The following CCDC187 variants were observed in gnomAD, a reference collection of about 807,000 sequenced individuals.
The protein encoded by CCDC187 is coiled-coil domain-containing protein 187.
CCDC187 carries 32 observed loss-of-function variants against 38.0 expected under a neutral mutation model. That is an observed-to-expected ratio of 0.84 (90% confidence interval 0.64 to 1.13). CCDC187 has a LOEUF of 1.13. Among genes scored for constraint, CCDC187 ranks in the 50% most tolerant of loss-of-function variants. CCDC187 has a pLI of 0.00. For missense variants in CCDC187, 707 were observed against 786.8 expected (o/e 0.90, Z 1.21); for synonymous variants, 333 against 347.9 (o/e 0.96, Z 0.48).
Position 136,290,864 on chromosome 9 carries a change from G to C in CCDC187, c.1749C>G (p.Pro583=), listed in dbSNP as rs1036209674. 1 of 398,562 alleles carries C rather than the reference G, an allele frequency of 2.5e-6. No individual in the cohort carries two copies. Among genetic ancestry groups the C allele is most frequent in the South Asian group, 1.3e-4 (1 of 7,858 alleles). 24.7% of individuals were successfully genotyped at this position (398,562 alleles called of 1,614,324 possible). A position where few individuals can be genotyped will look rare whatever the true frequency, so the allele number is the denominator to read the frequency against. ...WSSSGVQRAG[P]QGKGRGIGSP... ...AGCCGATGCCTCTGCCCTTGCCCTG[G>C]GGGCCGGCCCTCTGCACGCCGGAGC... Residue 583 remains proline (P), a synonymous_variant, in exon 6 of 26, where the codon CCC becomes CCG. Coordinates refer to ENST00000638797, the MANE Select transcript of CCDC187 (RefSeq NM_001378188.1).
chr9:136,263,162 C>A (rs1270437364), intron 18 of CCDC187, among the ~76,000 whole-genome samples: 1 of 151,612 alleles, frequency 6.6e-6, no homozygotes, highest in Non-Finnish European at 1.5e-5. Flanking sequence ...CCTCCTCAGC[C>A]CCCCAGCAGT....
intron 7 of CCDC187, among the ~76,000 whole-genome samples, chr9:136,287,847 A>C (rs1831218348): frequency 6.6e-6 from 1 of 152,188 alleles, no homozygotes; most frequent in African/African-American, 2.4e-5. Context: ...ACAGAGTGTC[A>C]GTTTGGGAAG....
At position 136,256,206 on chromosome 9, in the gene CCDC187, C is replaced by A. The variant is rs1830610675; in HGVS notation, c.4616+5G>T. On this transcript the variant is annotated splice_donor_5th_base_variant and intron_variant, in intron 24 of 25. Coordinates refer to ENST00000638797, the MANE Select transcript of CCDC187 (RefSeq NM_001378188.1). ...ACCCCTGCTCCAGGGAGCTCAGCCC[C>A]ACACCTCTGCTCCCCCGATCGCCAG... 3.0e-6 allele frequency: 3 copies of A among 985,256 alleles called. No individual in the cohort carries two copies. The highest frequency in any genetic ancestry group is 3.6e-6 in the Non-Finnish European group (3 of 829,752). 61.0% of individuals were successfully genotyped at this position (985,256 alleles called of 1,614,324 possible).
In CCDC187 at chr9:136,264,726, G is replaced by A. The variant is rs542715822; in HGVS notation, c.3736-928C>T. Among the ~76,000 whole-genome samples the A allele has an allele frequency of 1.8e-4, 27 of 151,832 alleles. No homozygotes were observed. The East Asian group carries it at 5.0e-3, about 28-fold the overall frequency. ...GCACTGACCCCATTTCCCAGCAGAG[G>A]GTCGTGGGCAAAGTAGTCCCCCACC... On this transcript the variant is annotated intron_variant, in intron 17 of 25. Coordinates refer to ENST00000638797, the MANE Select transcript of CCDC187 (RefSeq NM_001378188.1). This position sits in a 1 kb window ranked among gnomAD's most constrained non-coding sequence, Gnocchi z 4.3.
Position 136,286,287 on chromosome 9 carries a change from G to C in CCDC187, c.2631C>G (p.Thr877=), listed in dbSNP as rs946331531. The change falls in exon 8 of 26, where the codon ACC becomes ACG. Residue 877 remains threonine (T), a synonymous_variant. Transcript: ENST00000638797. The part of the protein sequence containing the change: ...HSLPAAPTLA[T]PTLATPACPG... Reference sequence around the variant, plus strand: ...GGCAGGCTGGGGTGGCAAGCGTGGGGGTGGCGAGCGTGGGGGCGGCAGGTA... The same window carrying C: ...GGCAGGCTGGGGTGGCAAGCGTGGGCGTGGCGAGCGTGGGGGCGGCAGGTA... 2.5e-6 allele frequency: 1 copy of C among 398,552 alleles called. No homozygotes were observed. Among genetic ancestry groups the C allele is most frequent in the African/African-American group, 2.1e-5 (1 of 48,630 alleles). 24.7% of individuals were successfully genotyped at this position (398,552 alleles called of 1,614,324 possible).
chr9:136,301,510 G>T (rs953568947), intron 2 of CCDC187, among the ~76,000 whole-genome samples: 42 of 152,034 alleles, frequency 2.8e-4, no homozygotes, highest in African/African-American at 9.6e-4. Context: ...CTGCAGGACC[G>T]TGAATGTGCT....
At chr9:136,280,076 G>C (rs962726879) in intron 10 of CCDC187, among the ~76,000 whole-genome samples, 2 of 152,200 alleles carry the variant, frequency 1.3e-5, no homozygotes, top group African/African-American at 4.8e-5. Flanking sequence ...ATTCTGTTAC[G>C]ACAGCATAAA....
Position 136,290,071 on chromosome 9 carries a change from G to A in CCDC187, c.2128-18C>T. The A allele has an allele frequency of 2.5e-6, 1 of 398,772 alleles. No individual in the cohort carries two copies. The highest frequency in any genetic ancestry group is 4.4e-6 in the Non-Finnish European group (1 of 226,200). 24.7% of individuals were successfully genotyped at this position (398,772 alleles called of 1,614,324 possible). ...TCCAGGCCCTAAAGTAGAGGGCAATGCCATCAGAGCCCCCCGCTCGGGAAG... is the reference window on the plus strand; with the variant it reads ...TCCAGGCCCTAAAGTAGAGGGCAATACCATCAGAGCCCCCCGCTCGGGAAG... On this transcript the variant is annotated intron_variant, in intron 6 of 25. Transcript: ENST00000638797.
chr9:136,251,222 C>T lies in CCDC187; in HGVS notation c.*2372G>A, dbSNP rs1393348660. The T allele has an allele frequency of 5.9e-6, 2 of 341,692 alleles. No homozygotes were observed. The highest frequency in any genetic ancestry group is 4.4e-5 in the South Asian group (2 of 45,830). The allele number at this position is 341,692 out of a possible 1,614,324, so 21.2% of individuals were successfully genotyped here. ...ATTCAAAAGGGTCCCAGAGAAATTA[C>T]AGGGGTCCCAGTGAATCCTCTGGAA... On this transcript the variant is annotated 3_prime_UTR_variant, in exon 26 of 26. Transcript: ENST00000638797.
chr9:136,303,340 G>A, intron 1 of CCDC187, 47 bp from the exon 2 acceptor site: 2 of 395,872 alleles, frequency 5.1e-6, no homozygotes, highest in Non-Finnish European at 8.9e-6. Context: ...AGGCGCAGAG[G>A]TGCCGAGCAG....
rs567879890 is a variant in CCDC187, at chr9:136,255,196, C to T, written c.4694-62G>A. The T allele has an allele frequency of 2.4e-5, 21 of 861,490 alleles. No individual in the cohort carries two copies. The African/African-American group carries it at 2.6e-4, about 10-fold the overall frequency. The allele number at this position is 861,490 out of a possible 1,614,324, so 53.4% of individuals were successfully genotyped here. On this transcript the variant is annotated intron_variant, in intron 25 of 25. Coordinates refer to ENST00000638797, the MANE Select transcript of CCDC187 (RefSeq NM_001378188.1). ...CACCCTGGACCCCATGCATATCCCA[C>T]GACCCCCAAAGCCAGGAGGTCAGAA...
chr9:136,250,467 G>A lies in CCDC187; in HGVS notation c.*3127C>T, dbSNP rs1015006221. 1.9e-5 allele frequency: 6 copies of A among 312,386 alleles called. No individual in the cohort carries two copies. Among genetic ancestry groups the A allele is most frequent in the Admixed American group, 9.5e-5 (2 of 21,046 alleles). The allele number at this position is 312,386 out of a possible 1,614,324, so 19.4% of individuals were successfully genotyped here. The stretch of plus-strand genomic sequence containing the variant: ...GGGGCTTCAGTGGTGGAGATTTATC[G>A]TCATGCCAGATGCGTGTGTGTGAGA... On this transcript the variant is annotated 3_prime_UTR_variant, in exon 26 of 26. Coordinates refer to ENST00000638797, the MANE Select transcript of CCDC187 (RefSeq NM_001378188.1).
At position 136,254,981 on chromosome 9, in the gene CCDC187, G is replaced by A. The variant is rs1482210888; in HGVS notation, c.4847C>T (p.Ser1616Phe). 4.7e-5 allele frequency: 46 copies of A among 985,398 alleles called. No individual in the cohort carries two copies. The African/African-American group carries it at 8.0e-4, about 17-fold the overall frequency. 61.0% of individuals were successfully genotyped at this position (985,398 alleles called of 1,614,324 possible). A position where few individuals can be genotyped will look rare whatever the true frequency, so the allele number is the denominator to read the frequency against. Reference sequence around the variant, plus strand: ...CAGGCTGCTCACAGAGCCTGCTGGGGAGGTGTGGGATGACACCGTGGCTTC... The same window carrying A: ...CAGGCTGCTCACAGAGCCTGCTGGGAAGGTGTGGGATGACACCGTGGCTTC... The part of the protein sequence containing the change: ...SEEATVSSHT[S>F]PAGSVSSLSC... Residue 1616 changes from serine to phenylalanine, a missense_variant, in exon 26 of 26, where the codon TCC (serine) becomes TTC (phenylalanine). Ser to Phe is a radical substitution (Grantham distance 155). Coordinates refer to ENST00000638797, the MANE Select transcript of CCDC187 (RefSeq NM_001378188.1).
rs1554760192 is a variant in CCDC187 at position 136,255,712 on chromosome 9, C to A, written c.4638G>T (p.Glu1546Asp). 2 of 985,350 alleles carry A rather than the reference C, an allele frequency of 2.0e-6. No homozygotes were observed. Among genetic ancestry groups the A allele is most frequent in the African/African-American group, 1.7e-5 (1 of 57,206 alleles). The allele number at this position is 985,350 out of a possible 1,614,324, so 61.0% of individuals were successfully genotyped here. ...GCCAGGTGGAGGAGATGCCGGGGAC[C>A]TCCTGCTGACAGGCCTCCGTCCTGC... ...GEQRTEACQQ[E>D]VPGISSTWLE... The change falls in exon 25 of 26, where the codon GAG becomes GAT. Residue 1546 changes from glutamate to aspartate, a missense_variant. Physicochemically the swap from Glu to Asp is conservative, Grantham distance 45 (BLOSUM62 2). Transcript: ENST00000638797.
upstream of CCDC187, among the ~76,000 whole-genome samples, chr9:136,305,043 C>T (rs896035139): frequency 1.2e-4 from 19 of 152,324 alleles, no homozygotes; most frequent in East Asian, 1.5e-3. Context: ...CCAAGCCAAA[C>T]GGGGCCCTGG....
chr9:136,264,526 C>T lies in CCDC187; in HGVS notation c.3736-728G>A, dbSNP rs1830722093. ...CTCACGTTGTTCTCTGTGGTGCCTG[C>T]CTTTTCCTGTTTCTCCGTATCTGAG... On this transcript the variant is annotated intron_variant, in intron 17 of 25. Transcript: ENST00000638797. The surrounding 1 kb of genome is among the most constrained non-coding windows in gnomAD (Gnocchi z 4.3). 1.3e-5 allele frequency among the ~76,000 whole-genome samples: 2 copies of T among 152,188 alleles called. No homozygotes were observed. The highest frequency in any genetic ancestry group is 4.1e-4 in the South Asian group (2 of 4,824).
In CCDC187 at chr9:136,293,355, A is replaced by ACT. The variant is rs1831405999; in HGVS notation, c.833-1061_833-1060insAG. Among the ~76,000 whole-genome samples, 93 of 138,248 alleles carry ACT rather than the reference A, an allele frequency of 6.7e-4. 1 individual carries two copies. The highest frequency in any genetic ancestry group is 2.3e-3 in the African/African-American group (87 of 37,270). The allele number at this position is 138,248 out of a possible 152,430, so 90.7% of individuals were successfully genotyped here. ...TACACACTCACACTCACATGCTCAC[A>ACT]CACATTCACATGCTCACACACTCAC... On this transcript the variant is annotated intron_variant, in intron 4 of 25. Transcript: ENST00000638797.
intron 9 of CCDC187, among the ~76,000 whole-genome samples, chr9:136,284,588 T>C (rs1328973870): frequency 1.2e-4 from 18 of 151,912 alleles, no homozygotes; most frequent in South Asian, 6.2e-4. Flanking sequence ...CAGTATGCGG[T>C]GTGCAGGGAG....
At chr9:136,301,961 C>T (rs1294776905) in intron 2 of CCDC187, among the ~76,000 whole-genome samples, 1 of 151,994 alleles carries the variant, frequency 6.6e-6, no homozygotes, top group Non-Finnish European at 1.5e-5. Flanking sequence ...CCTATAATCC[C>T]AGCACTTTGG....
Sources: allele counts gnomAD v4.1 joint callset (sites outside exome capture counted in the v4.1 genomes callset), GRCh38; gene constraint gnomAD v4.1.1; non-coding constraint Gnocchi (gnomAD v3.1); transcripts MANE v1.5; gene names NCBI Gene and HGNC (gene_info 2026-07-23, HGNC 2026-07-21).